The following GABBR2 variants were observed in gnomAD, a reference collection of about 807,000 sequenced individuals.
GABBR2 encodes G-protein coupled receptor 51.
A neutral mutation model predicts 105.6 loss-of-function variants in GABBR2; 23 were observed. The ratio of observed to expected loss-of-function variants is 0.22; its 90% CI spans 0.16 to 0.31. The LOEUF is 0.31. Among genes scored for constraint, GABBR2 ranks in the 10% least tolerant of loss-of-function variants. The pLI, the probability that GABBR2 is intolerant of heterozygous loss-of-function variation, is 1.00. For synonymous variants in GABBR2, 478 were observed against 499.7 expected (o/e 0.96, Z 0.58); for missense variants, 734 against 1,245.5 (o/e 0.59, Z 6.18).
chr9:98,554,106 T>C (rs1564112735), intron 2 of GABBR2, among the ~76,000 whole-genome samples: 1 of 152,194 alleles, frequency 6.6e-6, no homozygotes, highest in East Asian at 1.9e-4. Flanking sequence ...TTTGGGACTT[T>C]GGTTCTTAGA....
intron 3 of GABBR2, among the ~76,000 whole-genome samples, chr9:98,532,837 A>G (rs1828092846): frequency 6.6e-6 from 1 of 152,142 alleles, no homozygotes; most frequent in African/African-American, 2.4e-5. Flanking sequence ...AAGCATTAAC[A>G]ACTCAGGAAA....
intron 2 of GABBR2, among the ~76,000 whole-genome samples, chr9:98,577,244 T>A (rs533509144): frequency 1.7e-3 from 6 of 3,470 alleles, no homozygotes; most frequent in African/African-American, 6.4e-3. Context: ...AAAGTAAACA[T>A]GTGTATGGGC....
chr9:98,641,580 C>T (rs1025493249), intron 1 of GABBR2, among the ~76,000 whole-genome samples: 7 of 152,214 alleles, frequency 4.6e-5, no homozygotes, highest in Non-Finnish European at 1.0e-4. Context: ...AAGCAACGGG[C>T]ATGCATGTGG....
chr9:98,326,523 C>T (rs373095078), intron 13 of GABBR2, among the ~76,000 whole-genome samples: 4 of 152,274 alleles, frequency 2.6e-5, no homozygotes, highest in East Asian at 3.9e-4. Context: ...TAAGTCTGGC[C>T]AATGGGCTGT....
intron 3 of GABBR2, among the ~76,000 whole-genome samples, chr9:98,512,440 T>C (rs2131698247): frequency 6.6e-6 from 1 of 151,466 alleles, no homozygotes; most frequent in Admixed American, 6.6e-5. Context: ...ATAAAGGGTA[T>C]TCAATTAGGA....
intron 7 of GABBR2, among the ~76,000 whole-genome samples, chr9:98,438,227 A>C (rs1825966687): frequency 6.6e-6 from 1 of 151,896 alleles, no homozygotes; most frequent in African/African-American, 2.4e-5. Context: ...ATCTATATCT[A>C]TACACCTACC....
At chr9:98,321,022 T>C (rs1016990587) in intron 13 of GABBR2, among the ~76,000 whole-genome samples, 6 of 151,994 alleles carry the variant, frequency 3.9e-5, no homozygotes, top group Non-Finnish European at 5.9e-5. Flanking sequence ...CAGGAACTGC[T>C]TGAGGGGTAA....
chr9:98,347,847 G>T (rs1831326939), intron 13 of GABBR2, among the ~76,000 whole-genome samples: 1 of 152,194 alleles, frequency 6.6e-6, no homozygotes, highest in South Asian at 2.1e-4. Flanking sequence ...GGTGGCGCCA[G>T]GTGGAGATAA....
chr9:98,694,166 T>C (rs894291147), intron 1 of GABBR2, among the ~76,000 whole-genome samples: 1 of 152,256 alleles, frequency 6.6e-6, no homozygotes, highest in Non-Finnish European at 1.5e-5. Context: ...TGGCCCAGTC[T>C]GGGTATTTCA....
intron 7 of GABBR2, among the ~76,000 whole-genome samples, chr9:98,448,275 T>C (rs1480048104): frequency 6.6e-6 from 1 of 151,528 alleles, no homozygotes; most frequent in Non-Finnish European, 1.5e-5. Context: ...CTTCTCATAA[T>C]CCGAGACATT....
At chr9:98,496,908 G>A (rs1275894848) in intron 3 of GABBR2, among the ~76,000 whole-genome samples, 2 of 152,210 alleles carry the variant, frequency 1.3e-5, no homozygotes, top group Non-Finnish European at 2.9e-5. Context: ...TTATGGTGAG[G>A]AAATAGCTAA....
At position 98,651,260 on chromosome 9, in the gene GABBR2, C is replaced by T. The variant is rs367558942; in HGVS notation, c.321+57157G>A. Among the ~76,000 whole-genome samples, 30 of 151,582 alleles carry T rather than the reference C, an allele frequency of 2.0e-4. No individual in the cohort carries two copies. In the South Asian group the frequency reaches 2.1e-3, roughly 11 times the overall value. On this transcript the variant is annotated intron_variant, in intron 1 of 18. Coordinates refer to ENST00000259455, the MANE Select transcript of GABBR2 (RefSeq NM_005458.8). ...CTGGGTTCAAGTGATTCTCCTGTCT[C>T]AGCCTCTTGAGTAGCTGGGATTACA... is the stretch of plus-strand genomic sequence containing the variant.
At chr9:98,305,642 C>T (rs981257815) in intron 15 of GABBR2, among the ~76,000 whole-genome samples, 3 of 152,116 alleles carry the variant, frequency 2.0e-5, no homozygotes, top group Non-Finnish European at 4.4e-5. Flanking sequence ...TAGGGAGACC[C>T]CGTCTCTATA....
At chr9:98,682,366 C>CTTTT (rs58885676) in intron 1 of GABBR2, among the ~76,000 whole-genome samples, 4 of 52,222 alleles carry the variant, frequency 7.7e-5, no homozygotes, top group African/African-American at 3.0e-4. Context: ...ATTTTACCAT[C>CTTTT]TTTTTTTTTT....
chr9:98,682,694 T>G (rs1830565918), intron 1 of GABBR2, among the ~76,000 whole-genome samples: 1 of 151,966 alleles, frequency 6.6e-6, no homozygotes, highest in Non-Finnish European at 1.5e-5. Flanking sequence ...TTACCAATCT[T>G]AATACATAAA....
At chr9:98,439,935 G>C (rs1826001182) in intron 7 of GABBR2, among the ~76,000 whole-genome samples, 1 of 152,208 alleles carries the variant, frequency 6.6e-6, no homozygotes, top group African/African-American at 2.4e-5. Context: ...AGGGGTAACT[G>C]GGGGGCTTGC....
intron 6 of GABBR2, among the ~76,000 whole-genome samples, chr9:98,461,989 A>T (rs921075600): frequency 4.6e-5 from 7 of 152,238 alleles, no homozygotes; most frequent in African/African-American, 1.7e-4. Context: ...CCATGATCCC[A>T]TCACTTCTCA....
At chr9:98,292,266 G>C (rs1439100018) in intron 18 of GABBR2, among the ~76,000 whole-genome samples, 1 of 152,236 alleles carries the variant, frequency 6.6e-6, no homozygotes, top group Non-Finnish European at 1.5e-5. Flanking sequence ...ATAGGCAAAA[G>C]AAATACTGCT....
intron 2 of GABBR2, among the ~76,000 whole-genome samples, chr9:98,570,002 A>T (rs1330773809): frequency 6.6e-6 from 1 of 152,192 alleles, no homozygotes; most frequent in Non-Finnish European, 1.5e-5. Context: ...GGGGGTTCTC[A>T]CTGATTTGTT....
Sources: allele counts gnomAD v4.1 joint callset (sites outside exome capture counted in the v4.1 genomes callset), GRCh38; gene constraint gnomAD v4.1.1; transcripts MANE v1.5; gene names NCBI Gene and HGNC (gene_info 2026-07-23, HGNC 2026-07-21).